Variants in DRD3 observed in about 807,000 individuals in gnomAD.
DRD3 encodes dopamine receptor D3.
In DRD3, 19 loss-of-function variants were observed where a neutral mutation model predicts 36.3. That is an observed-to-expected ratio of 0.52 (90% CI 0.36 to 0.77). DRD3 has a LOEUF of 0.77. Among genes scored for constraint, DRD3 ranks in the 30% least tolerant of loss-of-function variants. The probability of loss-of-function intolerance (pLI) is 0.00; values close to 1 mark genes in which losing one functional copy is unlikely to be tolerated. For synonymous variants in DRD3, 195 were observed against 203.7 expected (o/e 0.96, Z 0.36); for missense variants, 465 against 505.3 (o/e 0.92, Z 0.77).
intron 3 of DRD3, among the ~76,000 whole-genome samples, chr3:114,152,225 A>C (rs2077624714): frequency 6.6e-6 from 1 of 152,062 alleles, no homozygotes; most frequent in African/African-American, 2.4e-5. Flanking sequence ...ACTCCCCTTC[A>C]TCTGATGCAA....
At chr3:114,163,885 G>A (rs1034336027) in intron 2 of DRD3, among the ~76,000 whole-genome samples, 2 of 152,132 alleles carry the variant, frequency 1.3e-5, no homozygotes, top group African/African-American at 4.8e-5. Flanking sequence ...GGTACAAAGT[G>A]TTGGAAGATT....
intron 4 of DRD3, among the ~76,000 whole-genome samples, chr3:114,146,035 C>G (rs1379300797): frequency 6.6e-6 from 1 of 152,160 alleles, no homozygotes; most frequent in Non-Finnish European, 1.5e-5. Context: ...GCTAGTAAGT[C>G]TGGACTTTGA....
rs371591312 is a variant in DRD3 at position 114,128,756 on chromosome 3, A to G, written c.1163T>C (p.Ile388Thr). Residue 388 changes from isoleucine (I) to threonine (T), a missense_variant, in exon 7 of 7, where the codon ATC (isoleucine) becomes ACC (threonine). Transcript: ENST00000383673. ...CTTGAGGAAGGCTTTCCGGAACTCG[A>G]TATTGAAGGTGGTATAGATCACAGG... ...LNPVIYTTFN[I>T]EFRKAFLKIL... 1.9e-6 allele frequency: 3 copies of G among 1,610,650 alleles called. No homozygotes were observed. Among genetic ancestry groups the G allele is most frequent in the Non-Finnish European group, 2.5e-6 (3 of 1,178,406 alleles).
intron 1 of DRD3, among the ~76,000 whole-genome samples, chr3:114,188,210 CTTTTTTTTTTTTT>C (rs57147337): frequency 8.1e-6 from 1 of 122,890 alleles, no homozygotes; most frequent in Non-Finnish European, 1.7e-5. Flanking sequence ...CTTTTTTTCC[CTTTTTTTTTTTTT>C]TTTTTTTTGA....
chr3:114,167,992 T>C (rs2077802272), intron 2 of DRD3, among the ~76,000 whole-genome samples: 1 of 152,190 alleles, frequency 6.6e-6, no homozygotes, highest in Non-Finnish European at 1.5e-5. Flanking sequence ...GAGAGAACTG[T>C]AGGGAAATGG....
At chr3:114,195,026 A>G (rs1017444938) in intron 1 of DRD3, among the ~76,000 whole-genome samples, 3 of 152,114 alleles carry the variant, frequency 2.0e-5, no homozygotes, top group Non-Finnish European at 2.9e-5. Context: ...ATCAGCTCTA[A>G]TCTACTCATC....
chr3:114,179,762 C>T (rs2077935689), upstream of DRD3, among the ~76,000 whole-genome samples: 1 of 152,032 alleles, frequency 6.6e-6, no homozygotes, highest in Non-Finnish European at 1.5e-5. Flanking sequence ...TTGGCAACTG[C>T]GGTGCAGTTA....
At chr3:114,145,425 T>C (rs2077561707) in intron 4 of DRD3, among the ~76,000 whole-genome samples, 1 of 152,156 alleles carries the variant, frequency 6.6e-6, no homozygotes. Context: ...AACAAAGTAA[T>C]GAAAGGTAAA....
At chr3:114,165,204 T>A (rs1279726235) in intron 2 of DRD3, among the ~76,000 whole-genome samples, 3 of 152,182 alleles carry the variant, frequency 2.0e-5, no homozygotes, top group Non-Finnish European at 4.4e-5. Context: ...ATTCCTATAA[T>A]TTCAAAGAAA....
chr3:114,129,966 G>A (rs1489048236), intron 6 of DRD3, among the ~76,000 whole-genome samples: 1 of 152,138 alleles, frequency 6.6e-6, no homozygotes, highest in African/African-American at 2.4e-5. Flanking sequence ...GCTGAGGCAG[G>A]AGAATCACTT....
chr3:114,131,053 C>A, intron 6 of DRD3, 65 bp downstream of exon 6: 5 of 1,541,286 alleles, frequency 3.2e-6, no homozygotes, highest in Non-Finnish European at 4.4e-6. Flanking sequence ...GCATCTTCTA[C>A]CAGCTCCACT....
intron 1 of DRD3, among the ~76,000 whole-genome samples, chr3:114,186,820 G>A (rs1262039811): frequency 6.6e-6 from 1 of 152,192 alleles, no homozygotes; most frequent in Non-Finnish European, 1.5e-5. Context: ...TGTCTAGCTG[G>A]GGAAACAGAT....
intron 1 of DRD3, among the ~76,000 whole-genome samples, chr3:114,196,326 T>G (rs1248256916): frequency 6.6e-6 from 1 of 152,150 alleles, no homozygotes; most frequent in East Asian, 1.9e-4. Context: ...TCATTTTTAT[T>G]TTTTTAGAGA....
At chr3:114,161,115 G>T (rs921743247) in intron 2 of DRD3, among the ~76,000 whole-genome samples, 2 of 152,130 alleles carry the variant, frequency 1.3e-5, no homozygotes, top group African/African-American at 4.8e-5. Flanking sequence ...TCTTTCCTGG[G>T]GGGGTGGGCT....
intron 3 of DRD3, among the ~76,000 whole-genome samples, chr3:114,151,305 A>G (rs2077615158): frequency 2.0e-5 from 3 of 152,206 alleles, no homozygotes; most frequent in Admixed American, 1.3e-4. Context: ...AGGGGAAGGA[A>G]TACTGTAACT....
upstream of DRD3, among the ~76,000 whole-genome samples, chr3:114,183,324 A>G (rs2077958124): frequency 6.6e-6 from 1 of 152,210 alleles, no homozygotes; most frequent in African/African-American, 2.4e-5. Context: ...ATCTATTGAG[A>G]CACAATTTGT....
chr3:114,133,534 AC>A (rs2077449321), intron 5 of DRD3, among the ~76,000 whole-genome samples: 2 of 152,174 alleles, frequency 1.3e-5, no homozygotes, highest in African/African-American at 4.8e-5. Context: ...AAAAAAGAAA[AC>A]CCAGGATTTT....
At chr3:114,172,215 G>A (rs894665266) in intron 1 of DRD3, among the ~76,000 whole-genome samples, 188 bp from the exon 2 acceptor site, 5 of 152,176 alleles carry the variant, frequency 3.3e-5, no homozygotes, top group African/African-American at 1.2e-4. Context: ...TCCCTTTGAA[G>A]CTCCCATTCT....
intron 1 of DRD3, among the ~76,000 whole-genome samples, chr3:114,178,180 G>A (rs1245561944): frequency 1.3e-5 from 2 of 152,016 alleles, no homozygotes; most frequent in Admixed American, 1.3e-4. Context: ...ATCTCTGCTG[G>A]GAATAATTGG....
Sources: gnomAD v4.1 joint callset for allele counts (sites outside exome capture counted in the v4.1 genomes callset) on GRCh38, gnomAD v4.1.1 for gene constraint, MANE v1.5 for transcripts, NCBI Gene and HGNC (gene_info 2026-07-23, HGNC 2026-07-21) for gene names.